CNOT1: variants seen among roughly 807,000 people sequenced by gnomAD.
The protein encoded by CNOT1 is CCR4-associated factor 1.
Under a neutral mutation model 273.8 loss-of-function variants are expected in CNOT1, and 15 were observed. That is an observed-to-expected ratio of 0.05 (90% CI 0.04 to 0.08). The LOEUF is 0.08. CNOT1 is among the 10% of genes least tolerant of loss of function. The pLI, the probability that CNOT1 is intolerant of heterozygous loss-of-function variation, is 1.00. For missense variants in CNOT1, 1,644 were observed against 2,912.2 expected (o/e 0.56, Z 10.02); for synonymous variants, 1,022 against 1,005.5 (o/e 1.02, Z -0.31).
intron 1 of CNOT1, among the ~76,000 whole-genome samples, chr16:58,621,735 G>A (rs184502997): frequency 3.4e-5 from 5 of 147,870 alleles, no homozygotes; most frequent in Non-Finnish European, 3.0e-5. Flanking sequence ...TGGCTAACAC[G>A]GTGAAACCCC....
At chr16:58,530,031 C>T (rs1332083267) in intron 43 of CNOT1, among the ~76,000 whole-genome samples, 2 of 152,026 alleles carry the variant, frequency 1.3e-5, no homozygotes, top group African/African-American at 4.8e-5. Context: ...CTGGTACAAA[C>T]GCTTTGTAAA....
At chr16:58,529,381 T>A (rs917707341) in intron 43 of CNOT1, among the ~76,000 whole-genome samples, 2 of 151,814 alleles carry the variant, frequency 1.3e-5, no homozygotes, top group African/African-American at 4.8e-5. Context: ...GCTGTGAGAG[T>A]GGGAGATGTT....
chr16:58,585,574 A>C, intron 7 of CNOT1, 68 bp from the exon 8 acceptor site: 1 of 1,539,512 alleles, frequency 6.5e-7, no homozygotes, highest in Non-Finnish European at 8.7e-7. Flanking sequence ...TGCTCTATCC[A>C]AAATCCCCTC....
At chr16:58,561,722 T>C (rs1257888562) in intron 16 of CNOT1, among the ~76,000 whole-genome samples, 1 of 152,228 alleles carries the variant, frequency 6.6e-6, no homozygotes, top group Non-Finnish European at 1.5e-5. Context: ...AGTTTGAATT[T>C]TGGAATTTGA....
intron 16 of CNOT1, among the ~76,000 whole-genome samples, chr16:58,571,631 C>G (rs2041277231): frequency 6.6e-6 from 1 of 151,846 alleles, no homozygotes; most frequent in South Asian, 2.1e-4. Context: ...AAAAACAAAG[C>G]CCCAAACACC....
chr16:58,538,568 T>C (rs1456561746), intron 36 of CNOT1, among the ~76,000 whole-genome samples: 1 of 152,204 alleles, frequency 6.6e-6, no homozygotes, highest in Non-Finnish European at 1.5e-5. Flanking sequence ...AACAAGGTAC[T>C]GGTTTTCTAT....
At chr16:58,589,938 T>C (rs2041998567) in intron 2 of CNOT1, among the ~76,000 whole-genome samples, 1 of 152,232 alleles carries the variant, frequency 6.6e-6, no homozygotes, top group Non-Finnish European at 1.5e-5. Context: ...TGAGGTCTTA[T>C]TACCATTCCT....
At chr16:58,539,444 G>A (rs1197672935) in intron 35 of CNOT1, among the ~76,000 whole-genome samples, 1 of 130,972 alleles carries the variant, frequency 7.6e-6, no homozygotes, top group East Asian at 2.5e-4. Flanking sequence ...ACTCAAGCCT[G>A]ACAGAGAGAG....
rs148051694 is a variant in CNOT1 at position 58,604,405 on chromosome 16, G to A, written c.-174-4894C>T. ...GCTGGATCATTCTATTTGTATACGCGTTGTCTACTATTGGCTCTTTACATG... is the reference window on the plus strand; with the variant it reads ...GCTGGATCATTCTATTTGTATACGCATTGTCTACTATTGGCTCTTTACATG... On this transcript the variant is annotated intron_variant, in intron 1 of 48. Transcript: ENST00000317147. Among the ~76,000 whole-genome samples the A allele has an allele frequency of 3.9e-5, 6 of 152,104 alleles. 1 individual carries two copies. Among genetic ancestry groups the A allele is most frequent in the Non-Finnish European group, 7.4e-5 (5 of 68,018 alleles).
intron 10 of CNOT1, 92 bp from the exon 11 acceptor site, chr16:58,581,607 T>C: frequency 2.8e-6 from 4 of 1,445,054 alleles, no homozygotes; most frequent in South Asian, 3.1e-5. Context: ...AAATTCAATT[T>C]AGATGTTCTA....
chr16:58,534,080 T>TA (rs1360117506), intron 40 of CNOT1, 67 bp downstream of exon 40: 26 of 1,280,662 alleles, frequency 2.0e-5, no homozygotes, highest in South Asian at 1.3e-4. Flanking sequence ...AAAATAATAA[T>TA]AATAAATAAA....
Position 58,546,760 on chromosome 16 carries a change from G to C in CNOT1, c.3751-11C>G, listed in dbSNP as rs765894275. 1 of 1,613,630 alleles carries C rather than the reference G, an allele frequency of 6.2e-7. No homozygotes were observed. The highest frequency in any genetic ancestry group is 2.2e-5 in the East Asian group (1 of 44,842). On this transcript the variant is annotated splice_polypyrimidine_tract_variant and intron_variant, in intron 27 of 48. Coordinates refer to ENST00000317147, the MANE Select transcript of CNOT1 (RefSeq NM_016284.5). ...TGGTGGCCTAAAAACCTAAAGAAAA[G>C]CTATTATGTTAAGCTGGCCCAAAAT...
At chr16:58,609,437 C>G (rs2042810502) in intron 1 of CNOT1, among the ~76,000 whole-genome samples, 1 of 152,024 alleles carries the variant, frequency 6.6e-6, no homozygotes, top group Non-Finnish European at 1.5e-5. Context: ...CCCACACCAC[C>G]TGTCCCCCAA....
Position 58,539,903 on chromosome 16 carries a change from C to T in CNOT1, c.4857G>A (p.Leu1619=), listed in dbSNP as rs141238615. Residue 1619 remains leucine (L), a synonymous_variant, in exon 35 of 49, where the codon CTG becomes CTA. Coordinates refer to ENST00000317147, the MANE Select transcript of CNOT1 (RefSeq NM_016284.5). ...AQIYDKCITE[L]EQHLHAIPPT... ...GTGGGATGGCATGTAGATGTTGCTC[C>T]AGTTCTGTAATACACTTATCATAAA... 3.4e-4 allele frequency: 555 copies of T among 1,614,160 alleles called. 4 individuals are homozygous for T. The East Asian group carries it at 0.011, about 33-fold the overall frequency.
At chr16:58,558,760 A>G (rs2040726510) in intron 17 of CNOT1, 86 bp from the exon 18 acceptor site, 3 of 1,522,822 alleles carry the variant, frequency 2.0e-6, no homozygotes, top group Non-Finnish European at 2.6e-6. Flanking sequence ...ACAGCTCTTC[A>G]TAATCTTAAA....
intron 1 of CNOT1, among the ~76,000 whole-genome samples, chr16:58,622,263 G>A (rs1248843835): frequency 4.1e-5 from 6 of 145,020 alleles, no homozygotes; most frequent in South Asian, 4.4e-4. Context: ...GCAGTGAGCC[G>A]AGATGGCGCC....
At chr16:58,579,535 A>G (rs2041581762) in intron 12 of CNOT1, among the ~76,000 whole-genome samples, 1 of 152,198 alleles carries the variant, frequency 6.6e-6, no homozygotes, top group South Asian at 2.1e-4. Flanking sequence ...CACTAGACTC[A>G]TAAGGAAAAA....
chr16:58,555,755 T>G, intron 20 of CNOT1, 29 bp downstream of exon 20: 1 of 1,612,842 alleles, frequency 6.2e-7, no homozygotes, highest in African/African-American at 1.3e-5. Context: ...GCCTAAACAA[T>G]AAATAAGTAG....
In CNOT1 at chr16:58,614,629, G is replaced by A. The variant is rs185100548; in HGVS notation, c.-175+15099C>T. Among the ~76,000 whole-genome samples the A allele has an allele frequency of 9.1e-4, 115 of 126,306 alleles. 18 individuals carry two copies. The highest frequency in any genetic ancestry group is 3.0e-3 in the African/African-American group (111 of 37,620). 82.9% of individuals were successfully genotyped at this position (126,306 alleles called of 152,430 possible). ...GAGGACACTTGGGAGCATGAGCCTA[G>A]TTTCCTCCCGGATTCACCCCATTCA... On this transcript the variant is annotated intron_variant, in intron 1 of 48. Coordinates refer to ENST00000317147, the MANE Select transcript of CNOT1 (RefSeq NM_016284.5).
Sources: gnomAD v4.1 joint callset for allele counts (sites outside exome capture counted in the v4.1 genomes callset) on GRCh38, gnomAD v4.1.1 for gene constraint, MANE v1.5 for transcripts, NCBI Gene and HGNC (gene_info 2026-07-23, HGNC 2026-07-21) for gene names.